GET4: variants seen among roughly 807,000 people sequenced by gnomAD.
The protein encoded by GET4 is guided entry of tail-anchored proteins factor 4.
A neutral mutation model predicts 40.0 loss-of-function variants in GET4; 20 were observed. That is an observed-to-expected ratio of 0.50 (90% CI 0.35 to 0.73). GET4 has a LOEUF of 0.73. Among genes scored for constraint, GET4 ranks in the 30% least tolerant of loss-of-function variants. The pLI is 0.01. For synonymous variants in GET4, 280 were observed against 194.6 expected (o/e 1.44, Z -3.65); for missense variants, 557 against 454.0 (o/e 1.23, Z -2.06).
At chr7:884,141 C>T in intron 1 of GET4, 2 of 1,248,780 alleles carry the variant, frequency 1.6e-6, no homozygotes, top group Non-Finnish European at 2.1e-6. Flanking sequence ...CAGATAGAAG[C>T]ATCCAGAACG....
At chr7:888,243 C>T (rs1351835424) in intron 4 of GET4, among the ~76,000 whole-genome samples, 2 of 152,236 alleles carry the variant, frequency 1.3e-5, no homozygotes, top group African/African-American at 2.4e-5. Context: ...GGCCTTTGCT[C>T]TAGAGTTCCG....
chr7:892,510 G>A lies in GET4; in HGVS notation c.746+92G>A, dbSNP rs552038728. Reference sequence around the variant, plus strand: ...GATAGCTGTGTGGGTGTGTGTGCAAGTGTAGCCATGGTGTGGGTAGCCGTG... The same window carrying A: ...GATAGCTGTGTGGGTGTGTGTGCAAATGTAGCCATGGTGTGGGTAGCCGTG... On this transcript the variant is annotated intron_variant, in intron 6 of 8. Transcript: ENST00000265857. 1.2e-5 allele frequency: 16 copies of A among 1,387,256 alleles called. No homozygotes were observed. The African/African-American group carries it at 2.1e-4, about 18-fold the overall frequency. 85.9% of individuals were successfully genotyped at this position (1,387,256 alleles called of 1,614,324 possible). A position where few individuals can be genotyped will look rare whatever the true frequency, so the allele number is the denominator to read the frequency against.
chr7:887,147 G>A (rs542180281), intron 3 of GET4: 43 of 694,196 alleles, frequency 6.2e-5, no homozygotes, highest in African/African-American at 2.8e-4. Flanking sequence ...CCCCCGCCTC[G>A]GCCAGGGCGT....
intron 1 of GET4, chr7:878,306 C>G (rs191363425): frequency 1.1e-5 from 5 of 471,028 alleles, no homozygotes; most frequent in Admixed American, 4.7e-5. Flanking sequence ...CATACAGTTA[C>G]TGCAGAATGT....
At chr7:895,111 T>C (rs972897425) in intron 8 of GET4, among the ~76,000 whole-genome samples, 5 of 147,160 alleles carry the variant, frequency 3.4e-5, no homozygotes, top group Non-Finnish European at 6.0e-5. Flanking sequence ...TTCTGTGGAG[T>C]CCCCCGTGGC....
intron 2 of GET4, 39 bp from the exon 3 acceptor site, chr7:886,530 G>C (rs753719751): frequency 1.4e-6 from 2 of 1,477,148 alleles, no homozygotes; most frequent in South Asian, 2.3e-5. Context: ...ACAGGTCAGG[G>C]CTTTGTTCTT....
At chr7:892,161 T>G in intron 5 of GET4, 117 bp from the exon 6 acceptor site, 1 of 1,019,318 alleles carries the variant, frequency 9.8e-7, no homozygotes, top group South Asian at 1.5e-5. Flanking sequence ...TCCATGGCCT[T>G]GGGCCGCAGG....
intron 1 of GET4, 151 bp from the exon 2 acceptor site, chr7:885,905 C>A: frequency 1.6e-6 from 1 of 644,754 alleles, no homozygotes; most frequent in Admixed American, 2.5e-5. Context: ...GATAGACCCC[C>A]TCCACGCAGC....
rs775575768 is a variant in GET4 at position 886,093 on chromosome 7, C to T, written c.193C>T (p.Leu65Phe). ...GAGCAAGCACACGGAGGCCCGGGAGCTCATGTACTCGGGAGCCCTGCTCTT... is the reference window on the plus strand; with the variant it reads ...GAGCAAGCACACGGAGGCCCGGGAGTTCATGTACTCGGGAGCCCTGCTCTT... ...SQSKHTEARELMYSGALLFFS... is the reference protein window; with the variant it reads ...SQSKHTEAREFMYSGALLFFS... The change falls in exon 2 of 9, where the codon CTC becomes TTC. Residue 65 changes from leucine (L) to phenylalanine (F), a missense_variant. Physicochemically the swap from Leu to Phe is conservative, Grantham distance 22 (BLOSUM62 0). Transcript: ENST00000265857. 8.1e-6 allele frequency: 13 copies of T among 1,610,594 alleles called. No homozygotes were observed. In the Admixed American group the frequency reaches 2.2e-4, roughly 27 times the overall value.
chr7:893,928 C>T lies in GET4; in HGVS notation c.852C>T (p.Phe284=), dbSNP rs139410890. 469 of 1,608,674 alleles carry T rather than the reference C, an allele frequency of 2.9e-4. No individual in the cohort carries two copies. The highest frequency in any genetic ancestry group is 3.9e-4 in the African/African-American group (29 of 74,960). ...TCGACCGCATAGGACAGCTGTTCTT[C>T]GGCGTCCCGCCCAAGCAGACGTCTT... ...EYLDRIGQLF[F]GVPPKQTSSY... is the part of the protein sequence containing the mutation. Residue 284 remains phenylalanine (F), a synonymous_variant, in exon 8 of 9, where the codon TTC becomes TTT. Coordinates refer to ENST00000265857, the MANE Select transcript of GET4 (RefSeq NM_015949.3).
rs551961804 is a variant in GET4 at position 895,967 on chromosome 7, C to T, written c.*545C>T. On this transcript the variant is annotated 3_prime_UTR_variant, in exon 9 of 9. Coordinates refer to ENST00000265857, the MANE Select transcript of GET4 (RefSeq NM_015949.3). ...GGAGTGCACGTGCCCTGCGCCACAT[C>T]CTCACGCTCGGTGGAGGGACGCGTG... 1 of 152,410 alleles carries T rather than the reference C, an allele frequency of 6.6e-6. No homozygotes were observed. Among genetic ancestry groups the T allele is most frequent in the Admixed American group, 6.5e-5 (1 of 15,308 alleles). 9.4% of individuals were successfully genotyped at this position (152,410 alleles called of 1,614,324 possible). A position where few individuals can be genotyped will look rare whatever the true frequency, so the allele number is the denominator to read the frequency against.
chr7:892,600 T>C (rs1844352678), intron 6 of GET4, 182 bp downstream of exon 6: 1 of 569,968 alleles, frequency 1.8e-6, no homozygotes, highest in Non-Finnish European at 3.1e-6. Context: ...GCAGGTCTGT[T>C]GGGTGTAGAC....
intron 1 of GET4, chr7:880,376 C>T (rs555314858): frequency 6.6e-6 from 1 of 152,202 alleles, no homozygotes; most frequent in Non-Finnish European, 1.5e-5. Flanking sequence ...GATTAACCAG[C>T]AAAAATGGAT....
Position 893,747 on chromosome 7 carries a change from C to T in GET4, c.754C>T (p.Leu252=). The stretch of plus-strand genomic sequence containing the variant: ...TGTGTGTCTCTGTCCCAGTGGGAAG[C>T]TGACGGTGTTCACTGTGCTGTGTGA... The part of the protein sequence containing the change: ...FLLLAVDGGK[L]TVFTVLCEQY... Residue 252 remains leucine (L), a synonymous_variant, in exon 7 of 9, where the codon CTG becomes TTG. Transcript: ENST00000265857. The T allele has an allele frequency of 6.2e-7, 1 of 1,604,220 alleles. No individual in the cohort carries two copies. Among genetic ancestry groups the T allele is most frequent in the Non-Finnish European group, 8.5e-7 (1 of 1,172,946 alleles).
chr7:894,493 C>G (rs1029233285), intron 8 of GET4, among the ~76,000 whole-genome samples: 5 of 152,148 alleles, frequency 3.3e-5, no homozygotes, highest in African/African-American at 7.2e-5. Context: ...GACCTCTCCC[C>G]ACAGATGTCT....
In GET4 at chr7:876,635, G is replaced by A. The variant is rs1420013208; in HGVS notation, c.-11G>A. ...TGCGACAGCGTCAGCCCTGCGCGGA[G>A]CGCCGGCCCGATGGCGGCGGCGGCG... is the stretch of plus-strand genomic sequence containing the variant. On this transcript the variant is annotated 5_prime_UTR_variant, in exon 1 of 9. Coordinates refer to ENST00000265857, the MANE Select transcript of GET4 (RefSeq NM_015949.3). The A allele has an allele frequency of 2.1e-5, 26 of 1,248,528 alleles. No homozygotes were observed. The highest frequency in any genetic ancestry group is 2.6e-5 in the Non-Finnish European group (26 of 990,610). 77.3% of individuals were successfully genotyped at this position (1,248,528 alleles called of 1,614,324 possible).
At chr7:886,028 G>A (rs766647220) in intron 1 of GET4, 28 bp from the exon 2 acceptor site, 34 of 1,425,110 alleles carry the variant, frequency 2.4e-5, no homozygotes, top group South Asian at 2.1e-4. Context: ...GCACGTGGGC[G>A]TGGCTCACGG....
At position 895,590 on chromosome 7, in the gene GET4, C is replaced by T; in HGVS notation, c.*168C>T. The T allele has an allele frequency of 4.1e-6, 2 of 493,332 alleles. No individual in the cohort carries two copies. The highest frequency in any genetic ancestry group is 2.7e-5 in the South Asian group (1 of 36,852). 30.6% of individuals were successfully genotyped at this position (493,332 alleles called of 1,614,324 possible). A position where few individuals can be genotyped will look rare whatever the true frequency, so the allele number is the denominator to read the frequency against. The stretch of plus-strand genomic sequence containing the variant: ...GCGGCGGCTCAGGGTGGCGCGGCTG[C>T]TGCTCACTGTGCTGCTGGGACCCAA... On this transcript the variant is annotated 3_prime_UTR_variant, in exon 9 of 9. Transcript: ENST00000265857.
At chr7:893,877 G>T in intron 7 of GET4, 22 bp from the exon 8 acceptor site, 2 of 1,612,216 alleles carry the variant, frequency 1.2e-6, no homozygotes, top group Non-Finnish European at 1.7e-6. Context: ...CCCCCTCTGA[G>T]CCCGCTGCCT....
Sources: allele counts gnomAD v4.1 joint callset (sites outside exome capture counted in the v4.1 genomes callset), GRCh38; gene constraint gnomAD v4.1.1; transcripts MANE v1.5; gene names NCBI Gene and HGNC (gene_info 2026-07-23, HGNC 2026-07-21).